The following MDGA2 variants were observed in gnomAD, a reference collection of about 807,000 sequenced individuals.
MDGA2 encodes the protein MAM domain containing glycosylphosphatidylinositol anchor 2.
A neutral mutation model predicts 117.8 loss-of-function variants in MDGA2; 40 were observed. The ratio of observed to expected loss-of-function variants is 0.34; its 90% confidence interval spans 0.26 to 0.44. The LOEUF is 0.44. Among genes scored for constraint, MDGA2 ranks in the 20% least tolerant of loss-of-function variants. MDGA2 has a pLI of 1.00. For synonymous variants in MDGA2, 452 were observed against 439.0 expected (o/e 1.03, Z -0.37); for missense variants, 1,123 against 1,250.6 (o/e 0.90, Z 1.54).
chr14:46,979,435 G>C (rs113421467), intron 8 of MDGA2, among the ~76,000 whole-genome samples: 11 of 152,198 alleles, frequency 7.2e-5, no homozygotes, highest in African/African-American at 2.6e-4. Context: ...AGATTAAAAT[G>C]ATTAAACTTA....
chr14:47,282,717 A>AAAAAAAAAAAAAC (rs1566718704), intron 2 of MDGA2, among the ~76,000 whole-genome samples: 3 of 148,164 alleles, frequency 2.0e-5, no homozygotes, highest in Non-Finnish European at 3.0e-5. Flanking sequence ...ACAAAAAACA[A>AAAAAAAAAAAAAC]AAAACAAAAA....
chr14:47,051,304 T>C (rs1889449765), intron 7 of MDGA2, among the ~76,000 whole-genome samples: 1 of 151,906 alleles, frequency 6.6e-6, no homozygotes, highest in Non-Finnish European at 1.5e-5. Context: ...GTAGGTTATC[T>C]TTTAAAATTG....
At chr14:47,395,872 G>A (rs1891996703) in intron 1 of MDGA2, among the ~76,000 whole-genome samples, 1 of 152,048 alleles carries the variant, frequency 6.6e-6, no homozygotes, top group African/African-American at 2.4e-5. Context: ...TATGTGTTAG[G>A]TTAGAAAGGA....
chr14:47,560,873 T>C (rs1003228295), intron 1 of MDGA2, among the ~76,000 whole-genome samples: 1 of 152,140 alleles, frequency 6.6e-6, no homozygotes, highest in African/African-American at 2.4e-5. Flanking sequence ...TTTTTATATA[T>C]GGGGTAAGGA....
intron 6 of MDGA2, among the ~76,000 whole-genome samples, chr14:47,089,935 G>A (rs1158989353): frequency 6.6e-6 from 1 of 152,060 alleles, no homozygotes; most frequent in Non-Finnish European, 1.5e-5. Context: ...AGCATTACTG[G>A]TAGCCTGGTA....
intron 6 of MDGA2, among the ~76,000 whole-genome samples, chr14:47,068,716 T>C (rs1278422647): frequency 6.6e-6 from 1 of 152,132 alleles, no homozygotes; most frequent in Non-Finnish European, 1.5e-5. Flanking sequence ...GAAACAGCTA[T>C]CAGATGAGTG....
chr14:47,505,854 G>A (rs920646058), intron 1 of MDGA2, among the ~76,000 whole-genome samples: 5 of 152,050 alleles, frequency 3.3e-5, no homozygotes, highest in Non-Finnish European at 7.4e-5. Context: ...TTACTTGGTT[G>A]GACCTAAATT....
intron 10 of MDGA2, among the ~76,000 whole-genome samples, 197 bp from the exon 11 acceptor site, chr14:46,882,418 A>G (rs1241396649): frequency 6.6e-6 from 1 of 151,750 alleles, no homozygotes; most frequent in East Asian, 1.9e-4. Context: ...GTAATTGCCA[A>G]ATGATCAGAG....
chr14:47,470,739 T>C (rs1893707704), intron 1 of MDGA2, among the ~76,000 whole-genome samples: 1 of 152,038 alleles, frequency 6.6e-6, no homozygotes, highest in African/African-American at 2.4e-5. Context: ...GTGGGATAGG[T>C]TTAATGGGAC....
chr14:47,041,520 T>C (rs1176948809), intron 7 of MDGA2, among the ~76,000 whole-genome samples: 1 of 152,054 alleles, frequency 6.6e-6, no homozygotes, highest in African/African-American at 2.4e-5. Context: ...TATATATGTG[T>C]ATATAGTCTA....
intron 4 of MDGA2, among the ~76,000 whole-genome samples, chr14:47,137,931 T>G (rs555145096): frequency 6.6e-6 from 1 of 152,130 alleles, no homozygotes; most frequent in African/African-American, 2.4e-5. Context: ...ATATGTAAGA[T>G]TAATGTATAT....
chr14:47,273,698 T>C (rs1271224468), intron 2 of MDGA2, among the ~76,000 whole-genome samples: 1 of 152,154 alleles, frequency 6.6e-6, no homozygotes, highest in African/African-American at 2.4e-5. Context: ...GAGAGATTTT[T>C]CCTGTCCATA....
intron 4 of MDGA2, among the ~76,000 whole-genome samples, chr14:47,137,657 CAAAT>C (rs1411789019): frequency 6.6e-6 from 1 of 152,038 alleles, no homozygotes; most frequent in Non-Finnish European, 1.5e-5. Flanking sequence ...AACTGAGAAC[CAAAT>C]AAATCTCTTT....
At chr14:47,516,090 A>G (rs1460049618) in intron 1 of MDGA2, among the ~76,000 whole-genome samples, 1 of 152,158 alleles carries the variant, frequency 6.6e-6, no homozygotes, top group East Asian at 1.9e-4. Flanking sequence ...CTTAGGCACA[A>G]AGTCCATTTA....
intron 8 of MDGA2, among the ~76,000 whole-genome samples, chr14:46,975,354 T>A (rs1183026971): frequency 6.6e-6 from 1 of 152,064 alleles, no homozygotes; most frequent in East Asian, 1.9e-4. Flanking sequence ...AGTGTATATC[T>A]AATTGCAAGC....
At chr14:47,629,738 G>A (rs1897218838) in intron 1 of MDGA2, among the ~76,000 whole-genome samples, 1 of 152,076 alleles carries the variant, frequency 6.6e-6, no homozygotes, top group Admixed American at 6.5e-5. Flanking sequence ...ATTAAAATTA[G>A]GTGCATCCTT....
intron 1 of MDGA2, among the ~76,000 whole-genome samples, chr14:47,537,574 TAA>T (rs58060138): frequency 1.7e-3 from 63 of 36,604 alleles, no homozygotes; most frequent in African/African-American, 4.4e-3. Flanking sequence ...TTCTCTCTGT[TAA>T]AAAAAAAAAA....
chr14:47,110,193 T>C (rs540646510), intron 5 of MDGA2, among the ~76,000 whole-genome samples: 1 of 152,272 alleles, frequency 6.6e-6, no homozygotes, highest in African/African-American at 2.4e-5. Flanking sequence ...GTGTACTGTT[T>C]GCACTCCTTT....
At chr14:47,016,403 T>A (rs1416316036) in intron 8 of MDGA2, among the ~76,000 whole-genome samples, 2 of 152,090 alleles carry the variant, frequency 1.3e-5, no homozygotes. Flanking sequence ...TTTTTAAGAT[T>A]AACAAAGAAA....
Sources: allele counts gnomAD v4.1 joint callset (sites outside exome capture counted in the v4.1 genomes callset), GRCh38; gene constraint gnomAD v4.1.1; transcripts MANE v1.5; gene names NCBI Gene and HGNC (gene_info 2026-07-23, HGNC 2026-07-21).